The following RIT2 variants were observed in gnomAD, a reference collection of about 807,000 sequenced individuals.
RIT2 encodes Ras like without CAAX 2.
Under a neutral mutation model 23.7 loss-of-function variants are expected in RIT2, and 24 were observed. The ratio of observed to expected loss-of-function variants is 1.01; its 90% CI spans 0.73 to 1.43. The LOEUF (loss-of-function observed/expected upper bound fraction) is 1.43, where lower values mean the gene tolerates loss of function less well. Ranked by LOEUF, RIT2 falls within the 40% of genes most tolerant of loss-of-function variation. The pLI is 0.00. For synonymous variants in RIT2, 107 were observed against 91.1 expected (o/e 1.17, Z -0.99); for missense variants, 236 against 266.9 (o/e 0.88, Z 0.81).
At position 43,019,944 on chromosome 18, in the gene RIT2, CA is replaced by C. The variant is rs568472841; in HGVS notation, c.160+13866del. The stretch of plus-strand genomic sequence containing the variant: ...ATTCAATCCCATCTACAATAGTTAC[CA>C]AAAAAAAAAACTCCTAGGATTTAAT... On this transcript the variant is annotated intron_variant, in intron 2 of 4. Coordinates refer to ENST00000326695, the MANE Select transcript of RIT2 (RefSeq NM_002930.4). Among the ~76,000 whole-genome samples, 73 of 139,010 alleles carry C rather than the reference CA, an allele frequency of 5.3e-4. 1 individual carries two copies. In the South Asian group the frequency reaches 9.1e-3, roughly 17 times the overall value. 91.2% of individuals were successfully genotyped at this position (139,010 alleles called of 152,430 possible). A position where few individuals can be genotyped will look rare whatever the true frequency, so the allele number is the denominator to read the frequency against.
chr18:42,743,866 T>C, intron 4 of RIT2, 146 bp from the exon 5 acceptor site: 1 of 618,166 alleles, frequency 1.6e-6, no homozygotes. Flanking sequence ...TACGCCCAGA[T>C]GGCCTGAAGT....
chr18:43,026,949 A>C (rs931348898), intron 2 of RIT2, among the ~76,000 whole-genome samples: 1 of 152,176 alleles, frequency 6.6e-6, no homozygotes, highest in African/African-American at 2.4e-5. Flanking sequence ...GCTGAGTCTT[A>C]GGTAAACAGG....
chr18:43,109,315 TG>T (rs1913899925), intron 1 of RIT2, among the ~76,000 whole-genome samples: 2 of 152,202 alleles, frequency 1.3e-5, no homozygotes, highest in Non-Finnish European at 1.5e-5. Context: ...TAATCCTTTT[TG>T]GGTTTTCAGT....
chr18:43,098,990 G>A (rs754800125), intron 1 of RIT2, among the ~76,000 whole-genome samples: 46 of 151,974 alleles, frequency 3.0e-4, no homozygotes, highest in East Asian at 7.7e-4. Flanking sequence ...AAACCTCCAT[G>A]CTGTTGGCAT....
intron 4 of RIT2, among the ~76,000 whole-genome samples, chr18:42,830,604 A>C (rs1304633721): frequency 6.6e-6 from 1 of 152,186 alleles, no homozygotes; most frequent in Non-Finnish European, 1.5e-5. Flanking sequence ...GCTCTACAGG[A>C]ACTAAATCAA....
At chr18:43,040,948 C>T (rs1210368257) in intron 1 of RIT2, among the ~76,000 whole-genome samples, 3 of 151,996 alleles carry the variant, frequency 2.0e-5, no homozygotes, top group Non-Finnish European at 4.4e-5. Flanking sequence ...TGAATATTAA[C>T]AGAAATTATT....
intron 2 of RIT2, among the ~76,000 whole-genome samples, chr18:42,985,678 T>A (rs1314453700): frequency 1.3e-5 from 2 of 152,176 alleles, no homozygotes; most frequent in African/African-American, 4.8e-5. Flanking sequence ...TATTGTAATT[T>A]ATATATTGGA....
intron 2 of RIT2, among the ~76,000 whole-genome samples, chr18:42,983,360 C>A (rs1294666449): frequency 1.3e-5 from 2 of 151,598 alleles, no homozygotes; most frequent in Non-Finnish European, 2.9e-5. Context: ...CAGAATTAAC[C>A]TAAATGGATC....
intron 1 of RIT2, among the ~76,000 whole-genome samples, chr18:43,065,986 T>C (rs1912762876): frequency 2.0e-5 from 3 of 152,218 alleles, no homozygotes; most frequent in Non-Finnish European, 1.5e-5. Flanking sequence ...TTAATTGTGC[T>C]TTAATTTTAT....
At chr18:43,082,233 G>A (rs932930226) in intron 1 of RIT2, among the ~76,000 whole-genome samples, 4 of 151,968 alleles carry the variant, frequency 2.6e-5, no homozygotes, top group African/African-American at 9.7e-5. Context: ...TGAGGTCAGT[G>A]GTGATATCCC....
At chr18:43,099,270 A>T (rs1330410208) in intron 1 of RIT2, among the ~76,000 whole-genome samples, 1 of 152,050 alleles carries the variant, frequency 6.6e-6, no homozygotes, top group Non-Finnish European at 1.5e-5. Flanking sequence ...ATATTAAATG[A>T]ATGAATGATT....
intron 4 of RIT2, among the ~76,000 whole-genome samples, chr18:42,835,729 A>T (rs1906582020): frequency 6.6e-6 from 1 of 152,172 alleles, no homozygotes; most frequent in African/African-American, 2.4e-5. Context: ...GAATAACTGG[A>T]GATTAAATAA....
chr18:42,838,423 T>C lies in RIT2; in HGVS notation c.426+85149A>G, dbSNP rs549618403. ...CTAGAAGTTCTTCTTCATTTTCTAA[T>C]AATAATTATAACAATAAAAATTACT... is the stretch of plus-strand genomic sequence containing the variant. On this transcript the variant is annotated intron_variant, in intron 4 of 4. Transcript: ENST00000326695. 2.6e-5 allele frequency among the ~76,000 whole-genome samples: 4 copies of C among 152,124 alleles called. No homozygotes were observed. In the South Asian group the frequency reaches 8.3e-4, roughly 32 times the overall value.
At chr18:42,838,865 G>A (rs1471369546) in intron 4 of RIT2, among the ~76,000 whole-genome samples, 2 of 152,140 alleles carry the variant, frequency 1.3e-5, no homozygotes, top group Non-Finnish European at 2.9e-5. Flanking sequence ...ATTAGAAACA[G>A]CTACATATGG....
chr18:42,825,825 G>T (rs1045300347), intron 4 of RIT2, among the ~76,000 whole-genome samples: 1 of 151,896 alleles, frequency 6.6e-6, no homozygotes, highest in Non-Finnish European at 1.5e-5. Context: ...TACCCTTTGA[G>T]CTTAAGTCTT....
At chr18:43,001,151 A>G (rs1332012445) in intron 2 of RIT2, among the ~76,000 whole-genome samples, 3 of 152,000 alleles carry the variant, frequency 2.0e-5, no homozygotes, top group Non-Finnish European at 2.9e-5. Flanking sequence ...ACAAACTGTG[A>G]TATACACAGC....
intron 1 of RIT2, among the ~76,000 whole-genome samples, chr18:43,041,532 C>G (rs1019566743): frequency 6.6e-6 from 1 of 151,930 alleles, no homozygotes; most frequent in East Asian, 1.9e-4. Flanking sequence ...GTAGTGTTTC[C>G]AAGGACTTTA....
rs977111623 is a variant in RIT2, at chr18:43,084,007, G to C, written c.103+31410C>G. On this transcript the variant is annotated intron_variant, in intron 1 of 4. Coordinates refer to ENST00000326695, the MANE Select transcript of RIT2 (RefSeq NM_002930.4). ...CCATCTGACAAAGATCTAATATCCA[G>C]AATCCATGAGGAACACAAATAAATT... is the stretch of plus-strand genomic sequence containing the variant. Among the ~76,000 whole-genome samples the C allele has an allele frequency of 2.0e-5, 3 of 152,136 alleles. No homozygotes were observed. The South Asian group carries it at 6.2e-4, about 32-fold the overall frequency.
chr18:42,928,639 A>T (rs1367616280), intron 3 of RIT2, among the ~76,000 whole-genome samples: 1 of 152,024 alleles, frequency 6.6e-6, no homozygotes, highest in Non-Finnish European at 1.5e-5. Context: ...ATTAAAGTCT[A>T]GGTATCATGA....
Sources: gnomAD v4.1 joint callset for allele counts (sites outside exome capture counted in the v4.1 genomes callset) on GRCh38, gnomAD v4.1.1 for gene constraint, MANE v1.5 for transcripts, NCBI Gene and HGNC (gene_info 2026-07-23, HGNC 2026-07-21) for gene names.